The following CDC14B variants were observed in gnomAD, a reference collection of about 807,000 sequenced individuals.
CDC14B encodes cell division cycle 14B.
Under a neutral mutation model 64.2 loss-of-function variants are expected in CDC14B, and 22 were observed. The ratio of observed to expected loss-of-function variants is 0.34; its 90% CI spans 0.24 to 0.49. CDC14B has a LOEUF of 0.49. CDC14B is among the 20% of genes least tolerant of loss of function. The pLI, the probability that CDC14B is intolerant of heterozygous loss-of-function variation, is 0.99. For missense variants in CDC14B, 498 were observed against 629.9 expected, an observed-to-expected ratio of 0.79 and a Z score of 2.24; for synonymous variants, 191 against 215.8, an observed-to-expected ratio of 0.89 and a Z score of 1.01.
chr9:96,583,083 C>T (rs1052510750), intron 1 of CDC14B, among the ~76,000 whole-genome samples: 12 of 152,112 alleles, frequency 7.9e-5, no homozygotes, highest in African/African-American at 9.7e-5. Flanking sequence ...TCTTCTGTTA[C>T]GCATACCTCT....
intron 1 of CDC14B, among the ~76,000 whole-genome samples, chr9:96,569,926 G>A (rs1227130281): frequency 6.6e-6 from 1 of 152,180 alleles, no homozygotes; most frequent in East Asian, 1.9e-4. Context: ...AAAGCTTGAC[G>A]ATTAACTTTA....
chr9:96,561,630 C>A (rs1244067952), intron 4 of CDC14B, among the ~76,000 whole-genome samples: 2 of 151,868 alleles, frequency 1.3e-5, no homozygotes, highest in Non-Finnish European at 2.9e-5. Flanking sequence ...AGGCGCCCGC[C>A]ACCACGCCCG....
chr9:96,561,517 C>A (rs530415465), intron 4 of CDC14B, among the ~76,000 whole-genome samples: 2 of 152,128 alleles, frequency 1.3e-5, no homozygotes, highest in Non-Finnish European at 2.9e-5. Context: ...CTCGCTCTGT[C>A]GCCCAGGCTG....
chr9:96,604,342 T>TTTTTTATTATTA (rs1554780545), intron 1 of CDC14B, among the ~76,000 whole-genome samples: 1 of 131,862 alleles, frequency 7.6e-6, no homozygotes, highest in Non-Finnish European at 1.6e-5. Context: ...GAAGCTTGCA[T>TTTTTTATTATTA]TTATTATTAT....
chr9:96,569,888 G>A (rs917594098), intron 1 of CDC14B, among the ~76,000 whole-genome samples: 3 of 152,162 alleles, frequency 2.0e-5, no homozygotes, highest in Non-Finnish European at 4.4e-5. Flanking sequence ...GCGCCTGGCC[G>A]AAACAGGGCT....
intron 3 of CDC14B, 140 bp downstream of exon 3, chr9:96,564,637 C>A: frequency 3.8e-6 from 2 of 524,950 alleles, no homozygotes; most frequent in Non-Finnish European, 6.7e-6. Context: ...TCTTATAAAA[C>A]AAGAAAACCA....
intron 1 of CDC14B, among the ~76,000 whole-genome samples, chr9:96,583,954 G>A (rs945999085): frequency 9.9e-5 from 15 of 152,064 alleles, no homozygotes; most frequent in Non-Finnish European, 1.8e-4. Context: ...TCCTGACCTC[G>A]TGATCCGCCT....
chr9:96,596,379 A>AAAC (rs1846079167), intron 1 of CDC14B, among the ~76,000 whole-genome samples: 1 of 150,654 alleles, frequency 6.6e-6, no homozygotes, highest in African/African-American at 2.5e-5. Context: ...AAAAAAAAAA[A>AAAC]ACACACAAAA....
intron 1 of CDC14B, among the ~76,000 whole-genome samples, chr9:96,599,287 AG>A (rs1414754931): frequency 6.6e-6 from 1 of 152,076 alleles, no homozygotes; most frequent in Non-Finnish European, 1.5e-5. Flanking sequence ...AAGCTGAGGC[AG>A]GAGAATCACT....
In CDC14B at chr9:96,539,194, T is replaced by G; in HGVS notation, c.565-54A>C. 6.4e-6 allele frequency: 8 copies of G among 1,247,194 alleles called. No individual in the cohort carries two copies. The South Asian group carries it at 8.6e-5, about 13-fold the overall frequency. The allele number at this position is 1,247,194 out of a possible 1,614,324, so 77.3% of individuals were successfully genotyped here. On this transcript the variant is annotated intron_variant, in intron 6 of 13. Transcript: ENST00000375241. Reference sequence around the variant, plus strand: ...CAAGGATGCAAATAAGAAAACAGTTTCCTATCCAATTTCAGAATACTAAAT... The same window carrying G: ...CAAGGATGCAAATAAGAAAACAGTTGCCTATCCAATTTCAGAATACTAAAT...
At chr9:96,568,406 T>C (rs1022617127) in intron 1 of CDC14B, among the ~76,000 whole-genome samples, 7 of 152,196 alleles carry the variant, frequency 4.6e-5, no homozygotes, top group Non-Finnish European at 1.0e-4. Context: ...ATACCTAACC[T>C]CAATTTGTTA....
rs1843360772 is a variant in CDC14B at position 96,562,614 on chromosome 9, T to C, written c.420+79A>G. Reference sequence around the variant, plus strand: ...AAGAGAAATCAAGACATTATCTTGATTTCAAAATTCCAACTGCAAATGTAA... The same window carrying C: ...AAGAGAAATCAAGACATTATCTTGACTTCAAAATTCCAACTGCAAATGTAA... On this transcript the variant is annotated intron_variant, in intron 4 of 13. Coordinates refer to ENST00000375241, the MANE Select transcript of CDC14B (RefSeq NM_033331.4). The C allele has an allele frequency of 1.3e-5, 12 of 944,226 alleles. No individual in the cohort carries two copies. In the East Asian group the frequency reaches 2.7e-4, roughly 21 times the overall value. 58.5% of individuals were successfully genotyped at this position (944,226 alleles called of 1,614,324 possible).
intron 1 of CDC14B, among the ~76,000 whole-genome samples, chr9:96,593,264 G>A (rs369093868): frequency 2.6e-5 from 4 of 152,206 alleles, no homozygotes; most frequent in African/African-American, 9.6e-5. Context: ...CAAGGCAGGC[G>A]GATCACGAGG....
chr9:96,520,813 C>G (rs1836584593), intron 12 of CDC14B, among the ~76,000 whole-genome samples: 1 of 150,220 alleles, frequency 6.7e-6, no homozygotes, highest in Non-Finnish European at 1.5e-5. Context: ...TGGGCCCCAC[C>G]CCCACCCCAC....
chr9:96,495,161 C>T (rs1437798066), downstream of CDC14B, among the ~76,000 whole-genome samples: 1 of 152,094 alleles, frequency 6.6e-6, no homozygotes, highest in Non-Finnish European at 1.5e-5. Flanking sequence ...AAACTGTGCC[C>T]AATCCCAGAG....
intron 1 of CDC14B, among the ~76,000 whole-genome samples, chr9:96,571,051 T>C (rs948187206): frequency 3.3e-5 from 5 of 152,064 alleles, no homozygotes; most frequent in African/African-American, 9.7e-5. Flanking sequence ...GAAGGCCTTA[T>C]CCAATATACG....
At chr9:96,514,487 G>T (rs1287523621) in intron 12 of CDC14B, 2 of 985,202 alleles carry the variant, frequency 2.0e-6, no homozygotes, top group African/African-American at 3.5e-5. Context: ...GCCATAAATA[G>T]GAGCAAGTTA....
chr9:96,541,274 C>G (rs1464141116), intron 6 of CDC14B, among the ~76,000 whole-genome samples: 1 of 152,340 alleles, frequency 6.6e-6, no homozygotes, highest in East Asian at 1.9e-4. Context: ...GGTTATGACC[C>G]AAGGAATCAC....
downstream of CDC14B, among the ~76,000 whole-genome samples, chr9:96,499,252 C>A (rs1203445696): frequency 6.6e-6 from 1 of 152,190 alleles, no homozygotes; most frequent in Non-Finnish European, 1.5e-5. Context: ...ACTTTGGACA[C>A]TTGTAACCCA....
Sources: allele counts gnomAD v4.1 joint callset (sites outside exome capture counted in the v4.1 genomes callset), GRCh38; gene constraint gnomAD v4.1.1; transcripts MANE v1.5; gene names NCBI Gene and HGNC (gene_info 2026-07-23, HGNC 2026-07-21).